ADCYAP1R1: variants seen among roughly 807,000 people sequenced by gnomAD.
The protein encoded by ADCYAP1R1 is ADCYAP receptor type I.
In ADCYAP1R1, 44 loss-of-function variants were observed where a neutral mutation model predicts 67.6. The ratio of observed to expected loss-of-function variants is 0.65; its 90% CI spans 0.51 to 0.84. ADCYAP1R1 has a LOEUF of 0.84. Ranked by LOEUF, ADCYAP1R1 falls within the 40% of genes least tolerant of loss-of-function variation. The pLI, the probability that ADCYAP1R1 is intolerant of heterozygous loss-of-function variation, is 0.00. For missense variants in ADCYAP1R1, 477 were observed against 587.9 expected, an observed-to-expected ratio of 0.81 and a Z score of 1.95; for synonymous variants, 222 against 219.6, an observed-to-expected ratio of 1.01 and a Z score of -0.10.
intron 13 of ADCYAP1R1, 141 bp downstream of exon 13, chr7:31,092,876 G>A (rs1584529330): frequency 3.2e-6 from 2 of 630,752 alleles, no homozygotes; most frequent in Middle Eastern, 7.8e-4. Flanking sequence ...TGATTAAAGA[G>A]CCTTTAATAT....
intron 12 of ADCYAP1R1, among the ~76,000 whole-genome samples, chr7:31,090,751 C>T (rs1422908900): frequency 1.3e-5 from 2 of 152,342 alleles, no homozygotes; most frequent in East Asian, 3.8e-4. Flanking sequence ...GATGTGGCTA[C>T]ATTCTTTTTA....
At chr7:31,084,655 G>A in intron 7 of ADCYAP1R1, 82 bp from the exon 8 acceptor site, 2 of 1,175,570 alleles carry the variant, frequency 1.7e-6, no homozygotes, top group South Asian at 2.4e-5. Context: ...GCCCTGGCCT[G>A]GGAGACTGGG....
At chr7:31,097,226 C>G (rs971166135) in intron 13 of ADCYAP1R1, among the ~76,000 whole-genome samples, 2 of 152,234 alleles carry the variant, frequency 1.3e-5, no homozygotes, top group African/African-American at 4.8e-5. Context: ...CTGCTCTGCT[C>G]TCCAGACAGC....
chr7:31,099,996 C>A, intron 13 of ADCYAP1R1: 1 of 853,520 alleles, frequency 1.2e-6, no homozygotes, highest in Non-Finnish European at 1.9e-6. Flanking sequence ...CCTTGGCTCC[C>A]TCATTCTCCT....
chr7:31,093,693 C>T (rs371813498), intron 13 of ADCYAP1R1, among the ~76,000 whole-genome samples: 17 of 152,096 alleles, frequency 1.1e-4, no homozygotes, highest in East Asian at 3.9e-4. Flanking sequence ...GTGGCTTCTC[C>T]GCTCCTTCAG....
intron 3 of ADCYAP1R1, among the ~76,000 whole-genome samples, chr7:31,069,280 C>T (rs1049102838): frequency 6.6e-6 from 1 of 152,168 alleles, no homozygotes; most frequent in Non-Finnish European, 1.5e-5. Flanking sequence ...GACATCTGTG[C>T]GTTGTGTTAT....
At chr7:31,097,820 G>T (rs996068766) in intron 13 of ADCYAP1R1, among the ~76,000 whole-genome samples, 2 of 152,128 alleles carry the variant, frequency 1.3e-5, no homozygotes, top group African/African-American at 4.8e-5. Flanking sequence ...CAGTTGGGGG[G>T]GGGTCTCCTG....
At chr7:31,084,672 C>A in intron 7 of ADCYAP1R1, 65 bp from the exon 8 acceptor site, 3 of 1,391,938 alleles carry the variant, frequency 2.2e-6, no homozygotes, top group Non-Finnish European at 3.1e-6. Flanking sequence ...TGGGTGCAGG[C>A]CTGAGGCAGC....
At chr7:31,106,381 G>A in intron 15 of ADCYAP1R1, 115 bp from the exon 16 acceptor site, 1 of 1,269,924 alleles carries the variant, frequency 7.9e-7, no homozygotes, top group Non-Finnish European at 1.1e-6. Flanking sequence ...ACTGGGGAGT[G>A]GGGAGGGTGC....
chr7:31,106,474 C>T lies in ADCYAP1R1; in HGVS notation c.1219-22C>T, dbSNP rs373844321. ...GCAGAGGATGTCCATCTGGAAGTGA[C>T]CGCCCAGTTTGCTCCCTGCAGGTAC... On this transcript the variant is annotated intron_variant, in intron 15 of 15. Transcript: ENST00000304166. 4.4e-6 allele frequency: 7 copies of T among 1,583,432 alleles called. No individual in the cohort carries two copies. The African/African-American group carries it at 5.4e-5, about 12-fold the overall frequency.
chr7:31,079,249 A>G (rs1795412803), intron 4 of ADCYAP1R1, among the ~76,000 whole-genome samples: 2 of 151,984 alleles, frequency 1.3e-5, no homozygotes, highest in African/African-American at 2.4e-5. Context: ...TGGGCCTTCT[A>G]CCCCATCCCT....
Position 31,092,752 on chromosome 7 carries a change from G to C in ADCYAP1R1, c.1046+17G>C, listed in dbSNP as rs773155435. Reference sequence around the variant, plus strand: ...CATCTACTTGTAAGTACCATTGTGTGGCTGCCACAGCCATTTCTGACAGCC... The same window carrying C: ...CATCTACTTGTAAGTACCATTGTGTCGCTGCCACAGCCATTTCTGACAGCC... On this transcript the variant is annotated intron_variant, in intron 13 of 15. Transcript: ENST00000304166. The C allele has an allele frequency of 6.2e-5, 98 of 1,587,416 alleles. No homozygotes were observed. Among genetic ancestry groups the C allele is most frequent in the Admixed American group, 6.1e-4 (35 of 57,276 alleles).
intron 13 of ADCYAP1R1, among the ~76,000 whole-genome samples, chr7:31,093,014 A>C (rs973709062): frequency 6.6e-6 from 1 of 152,196 alleles, no homozygotes; most frequent in South Asian, 2.1e-4. Flanking sequence ...CAAGAAGGAA[A>C]ACATCAGATT....
Position 31,085,353 on chromosome 7 carries a change from G to A in ADCYAP1R1, c.580G>A (p.Val194Met). The A allele has an allele frequency of 6.2e-7, 1 of 1,614,098 alleles. No individual in the cohort carries two copies. Among genetic ancestry groups the A allele is most frequent in the South Asian group, 1.1e-5 (1 of 91,086 alleles). Residue 194 changes from valine (V) to methionine (M), a missense_variant, in exon 9 of 16, where the codon GTG becomes ATG. By Grantham distance (21) the Val-to-Met change is conservative. Coordinates refer to ENST00000304166, the MANE Select transcript of ADCYAP1R1 (RefSeq NM_001118.5). ...TRNFIHMNLF[V>M]SFMLRAISVF... Reference sequence around the variant, plus strand: ...CAACTTCATCCACATGAACCTGTTTGTGTCGTTCATGCTGAGGGCGATCTC... The same window carrying A: ...CAACTTCATCCACATGAACCTGTTTATGTCGTTCATGCTGAGGGCGATCTC...
chr7:31,058,429 T>C (rs575744093), intron 1 of ADCYAP1R1, among the ~76,000 whole-genome samples: 1 of 152,282 alleles, frequency 6.6e-6, no homozygotes, highest in Admixed American at 6.5e-5. Context: ...GCTGGGCTTA[T>C]GAGGCCTGAG....
chr7:31,091,829 T>G (rs1038576756), intron 12 of ADCYAP1R1, among the ~76,000 whole-genome samples: 6 of 152,134 alleles, frequency 3.9e-5, no homozygotes, highest in Admixed American at 3.3e-4. Context: ...AAAATAAAAC[T>G]TTATTTTTAT....
At chr7:31,095,799 C>T (rs1321379756) in intron 13 of ADCYAP1R1, 1 of 712,856 alleles carries the variant, frequency 1.4e-6, no homozygotes, top group African/African-American at 1.8e-5. Flanking sequence ...CCTCCATAGA[C>T]CAAGACGGTA....
intron 13 of ADCYAP1R1, among the ~76,000 whole-genome samples, chr7:31,098,268 T>C (rs1796288286): frequency 6.6e-6 from 1 of 152,368 alleles, no homozygotes; most frequent in African/African-American, 2.4e-5. Flanking sequence ...ACCATTTCTG[T>C]ATACCCAGTT....
At chr7:31,081,657 CAGTAGCTAACTGTAAGCCAGGCATTTTG>C in intron 5 of ADCYAP1R1, 28 bp from the exon 6 acceptor site, 1 of 1,442,562 alleles carries the variant, frequency 6.9e-7, no homozygotes, top group South Asian at 1.3e-5. Flanking sequence ...GGAGAGTAAA[CAGTAGCTAACTGTAAGCCAGGCATTTTG>C]ATATATGCCT....
Sources: gnomAD v4.1 joint callset for allele counts (sites outside exome capture counted in the v4.1 genomes callset) on GRCh38, gnomAD v4.1.1 for gene constraint, MANE v1.5 for transcripts, NCBI Gene and HGNC (gene_info 2026-07-23, HGNC 2026-07-21) for gene names.